The following KHDRBS2 variants were observed in gnomAD, a reference collection of about 807,000 sequenced individuals.
The protein encoded by KHDRBS2 is KH RNA binding domain containing, signal transduction associated 2.
KHDRBS2 carries 26 observed loss-of-function variants against 44.3 expected under a neutral mutation model. That is an observed-to-expected ratio of 0.59 (90% CI 0.43 to 0.81). KHDRBS2 has a LOEUF of 0.81. Among genes scored for constraint, KHDRBS2 ranks in the 40% least tolerant of loss-of-function variants. The pLI is 0.00. For missense variants in KHDRBS2, 476 were observed against 433.1 expected, an observed-to-expected ratio of 1.10 and a Z score of -0.88; for synonymous variants, 194 against 151.1, an observed-to-expected ratio of 1.28 and a Z score of -2.08.
the KHDRBS2 span, among the ~76,000 whole-genome samples, chr6:61,636,873 T>A: frequency 6.6e-6 from 1 of 151,978 alleles, no homozygotes; most frequent in Admixed American, 6.6e-5. Flanking sequence ...TTTTATTTCT[T>A]CAAAAGGCCT....
chr6:62,173,692 A>G (rs937908648), intron 2 of KHDRBS2, among the ~76,000 whole-genome samples: 1 of 152,144 alleles, frequency 6.6e-6, no homozygotes, highest in African/African-American at 2.4e-5. Context: ...AACCAAATCC[A>G]GCAGCAGGTT....
chr6:62,019,283 A>G (rs1781815228), intron 3 of KHDRBS2, among the ~76,000 whole-genome samples: 1 of 152,144 alleles, frequency 6.6e-6, no homozygotes, highest in Non-Finnish European at 1.5e-5. Flanking sequence ...ACAAGTTTGC[A>G]GAAGCTTACA....
intron 6 of KHDRBS2, among the ~76,000 whole-genome samples, chr6:61,754,830 G>T (rs1236014645): frequency 1.3e-5 from 2 of 152,058 alleles, no homozygotes; most frequent in Non-Finnish European, 1.5e-5. Flanking sequence ...TAACTTTGAA[G>T]GTTAGTGTAA....
At chr6:61,878,365 T>G (rs972421472) in intron 6 of KHDRBS2, among the ~76,000 whole-genome samples, 6 of 152,090 alleles carry the variant, frequency 3.9e-5, no homozygotes, top group African/African-American at 1.4e-4. Context: ...AAGCTTTTTC[T>G]CCCAACAAGA....
At chr6:62,244,434 A>C (rs962553041) in intron 1 of KHDRBS2, among the ~76,000 whole-genome samples, 3 of 152,148 alleles carry the variant, frequency 2.0e-5, no homozygotes, top group Admixed American at 2.0e-4. Flanking sequence ...TAAAAAACAA[A>C]GAGAATAGAG....
chr6:62,155,552 T>C (rs183486423), intron 2 of KHDRBS2, among the ~76,000 whole-genome samples: 100 of 152,332 alleles, frequency 6.6e-4, no homozygotes, highest in African/African-American at 2.2e-3. Flanking sequence ...TCTATGCATA[T>C]GCCTTCTGCC....
chr6:62,095,591 C>A (rs994745889), intron 2 of KHDRBS2, among the ~76,000 whole-genome samples: 1 of 151,766 alleles, frequency 6.6e-6, no homozygotes, highest in African/African-American at 2.4e-5. Context: ...AAGAAATCAC[C>A]TAACAATGCA....
At chr6:62,179,020 GT>G (rs1256729234) in intron 1 of KHDRBS2, among the ~76,000 whole-genome samples, 2 of 151,266 alleles carry the variant, frequency 1.3e-5, no homozygotes, top group African/African-American at 4.8e-5. Context: ...TAATAGTTTT[GT>G]TTTTTGTTAT....
intron 8 of KHDRBS2, among the ~76,000 whole-genome samples, chr6:61,690,493 A>T (rs1298032607): frequency 6.6e-6 from 1 of 152,042 alleles, no homozygotes; most frequent in Non-Finnish European, 1.5e-5. Flanking sequence ...TTGTTTCAAC[A>T]AGAGAGTTGT....
At chr6:61,987,765 G>A (rs1775329455) in intron 3 of KHDRBS2, among the ~76,000 whole-genome samples, 1 of 152,166 alleles carries the variant, frequency 6.6e-6, no homozygotes, top group South Asian at 2.1e-4. Flanking sequence ...ATGCATATAA[G>A]TGCATGATAG....
chr6:62,187,293 A>G (rs1332371208), intron 1 of KHDRBS2, among the ~76,000 whole-genome samples: 2 of 152,160 alleles, frequency 1.3e-5, no homozygotes, highest in African/African-American at 4.8e-5. Flanking sequence ...TTTGAATAAT[A>G]AAGCCCAGGT....
chr6:62,008,888 C>CA (rs1562633087), intron 3 of KHDRBS2, among the ~76,000 whole-genome samples: 1 of 152,010 alleles, frequency 6.6e-6, no homozygotes, highest in African/African-American at 2.4e-5. Context: ...CAATAAACTT[C>CA]TTTTTTTTGT....
intron 2 of KHDRBS2, among the ~76,000 whole-genome samples, chr6:62,132,333 T>C (rs1296090842): frequency 6.6e-6 from 1 of 152,172 alleles, no homozygotes; most frequent in Non-Finnish European, 1.5e-5. Context: ...GTAAATACCT[T>C]AAGGTTGTAG....
At chr6:62,268,077 T>C (rs1839491226) in intron 1 of KHDRBS2, among the ~76,000 whole-genome samples, 1 of 152,090 alleles carries the variant, frequency 6.6e-6, no homozygotes, top group Non-Finnish European at 1.5e-5. Context: ...TTCAGTATTT[T>C]ATAATTTTGT....
chr6:61,586,492 A>G, the KHDRBS2 span, among the ~76,000 whole-genome samples: 2 of 152,296 alleles, frequency 1.3e-5, no homozygotes, highest in Admixed American at 1.3e-4. Flanking sequence ...GCCTGTAATG[A>G]CAGTGTCCAA....
At chr6:61,909,066 A>T (rs1281025653) in intron 4 of KHDRBS2, among the ~76,000 whole-genome samples, 3 of 150,624 alleles carry the variant, frequency 2.0e-5, no homozygotes, top group Non-Finnish European at 4.4e-5. Context: ...CGTATCATAT[A>T]TAGATTTTTT....
intron 7 of KHDRBS2, among the ~76,000 whole-genome samples, chr6:61,705,050 C>G (rs1168726372): frequency 6.6e-6 from 1 of 151,804 alleles, no homozygotes; most frequent in Non-Finnish European, 1.5e-5. Flanking sequence ...TCTGGGCTAA[C>G]TTCACTCATC....
At chr6:61,879,829 C>T (rs1245464354) in intron 6 of KHDRBS2, among the ~76,000 whole-genome samples, 2 of 151,660 alleles carry the variant, frequency 1.3e-5, no homozygotes, top group African/African-American at 4.8e-5. Context: ...TTTATCTTCT[C>T]ATAATATTTA....
intron 1 of KHDRBS2, among the ~76,000 whole-genome samples, chr6:62,229,938 C>T (rs1356971631): frequency 6.6e-6 from 1 of 152,178 alleles, no homozygotes; most frequent in Admixed American, 6.5e-5. Flanking sequence ...TTCTAATGGG[C>T]CACCTTGGCC....
Sources: gnomAD v4.1 joint callset for allele counts (sites outside exome capture counted in the v4.1 genomes callset) on GRCh38, gnomAD v4.1.1 for gene constraint, MANE v1.5 for transcripts, NCBI Gene and HGNC (gene_info 2026-07-23, HGNC 2026-07-21) for gene names.